UGT2B7: variants seen among roughly 807,000 people sequenced by gnomAD.
The protein encoded by UGT2B7 is UDP-glucuronosyltransferase 2B7.
A neutral mutation model predicts 51.9 loss-of-function variants in UGT2B7; 51 were observed. The observed-to-expected ratio is 0.98, with a 90% CI of 0.78 to 1.24. The LOEUF is 1.24. Ranked by LOEUF, UGT2B7 falls within the 50% of genes most tolerant of loss-of-function variation. UGT2B7 has a pLI of 0.00. For missense variants in UGT2B7, 727 were observed against 628.4 expected (o/e 1.16, Z -1.68); for synonymous variants, 225 against 211.6 (o/e 1.06, Z -0.55).
chr4:69,063,328 A>AAAAAG (rs1222222903), intron 1 of UGT2B7, among the ~76,000 whole-genome samples: 1 of 150,260 alleles, frequency 6.7e-6, no homozygotes, highest in Non-Finnish European at 1.5e-5. Context: ...CAAAAAAAAA[A>AAAAAG]AAAAAAAAAA....
intron 5 of UGT2B7, among the ~76,000 whole-genome samples, chr4:69,110,850 T>G (rs1182785083): frequency 6.6e-6 from 1 of 152,214 alleles, no homozygotes; most frequent in African/African-American, 2.4e-5. Flanking sequence ...CTTACATTTT[T>G]GAACTATTCA....
At chr4:69,061,437 A>G (rs993438755) in intron 1 of UGT2B7, among the ~76,000 whole-genome samples, 2 of 152,176 alleles carry the variant, frequency 1.3e-5, no homozygotes, top group African/African-American at 4.8e-5. Context: ...CTGCAATGGC[A>G]ACTCCACCTT....
chr4:69,051,930 G>C (rs1718027303), intron 1 of UGT2B7, among the ~76,000 whole-genome samples: 1 of 152,180 alleles, frequency 6.6e-6, no homozygotes. Context: ...GTGTGTGTGT[G>C]CCCTTTTACC....
chr4:69,112,730 T>A lies in UGT2B7; in HGVS notation c.1584T>A (p.Asn528Lys), dbSNP rs1455809019. The A allele has an allele frequency of 5.6e-6, 9 of 1,613,308 alleles. No homozygotes were observed. The African/African-American group carries it at 1.2e-4, about 22-fold the overall frequency. The stretch of plus-strand genomic sequence containing the variant: ...CTAGAAAAGCAAAGAAGGGAAAAAA[T>A]GATTAGTTATATCTGAGATTTGAAG... ...KFARKAKKGK[N>K]D The change falls in exon 6 of 6, where the codon AAT becomes AAA. Residue 528 changes from asparagine to lysine, a missense_variant. Asn to Lys is a moderately conservative substitution (Grantham distance 94). Transcript: ENST00000305231.
At chr4:69,078,343 C>G (rs577655186) in intron 1 of UGT2B7, among the ~76,000 whole-genome samples, 1 of 152,132 alleles carries the variant, frequency 6.6e-6, no homozygotes, top group South Asian at 2.1e-4. Flanking sequence ...CCCTCTTTTT[C>G]TATGTTTGGA....
chr4:69,072,329 A>G (rs1393462934), intron 1 of UGT2B7, among the ~76,000 whole-genome samples: 3 of 152,172 alleles, frequency 2.0e-5, no homozygotes, highest in African/African-American at 7.2e-5. Context: ...CATCCTCATG[A>G]AAATCTTTTT....
chr4:69,063,325 A>AAAAAG (rs1718399408), intron 1 of UGT2B7, among the ~76,000 whole-genome samples: 3 of 126,514 alleles, frequency 2.4e-5, no homozygotes, highest in Middle Eastern at 3.9e-3. Flanking sequence ...TCTCAAAAAA[A>AAAAAG]AAAAAAAAAA....
intron 2 of UGT2B7, among the ~76,000 whole-genome samples, chr4:69,100,885 T>C (rs1719396636): frequency 6.6e-6 from 1 of 152,122 alleles, no homozygotes. Context: ...AAAAGACACT[T>C]GACAAAATGT....
chr4:69,110,995 T>C (rs1196732378), intron 5 of UGT2B7, among the ~76,000 whole-genome samples: 1 of 152,086 alleles, frequency 6.6e-6, no homozygotes, highest in Admixed American at 6.5e-5. Context: ...AGTGGTTCCA[T>C]CATAATGTGG....
chr4:69,054,257 G>A (rs1718123354), intron 1 of UGT2B7, among the ~76,000 whole-genome samples: 1 of 152,058 alleles, frequency 6.6e-6, no homozygotes, highest in African/African-American at 2.4e-5. Flanking sequence ...AACTCAGACT[G>A]TGGGGCACTG....
At chr4:69,062,558 G>A (rs144835970) in intron 1 of UGT2B7, among the ~76,000 whole-genome samples, 53 of 152,166 alleles carry the variant, frequency 3.5e-4, no homozygotes, top group African/African-American at 1.1e-3. Context: ...TGCAGGTATC[G>A]TGCCTTGGAT....
chr4:69,060,465 T>C (rs1232972327), intron 1 of UGT2B7, among the ~76,000 whole-genome samples: 2 of 152,220 alleles, frequency 1.3e-5, no homozygotes, highest in African/African-American at 2.4e-5. Context: ...TCTGGGAGGC[T>C]GACCAGGAGA....
intron 1 of UGT2B7, among the ~76,000 whole-genome samples, chr4:69,059,283 C>T (rs1000395448): frequency 6.6e-6 from 1 of 152,186 alleles, no homozygotes; most frequent in Non-Finnish European, 1.5e-5. Flanking sequence ...ACTGGAGTCT[C>T]TGAAAAGAGG....
chr4:69,083,934 G>A (rs1046535525), intron 1 of UGT2B7, among the ~76,000 whole-genome samples: 5 of 152,016 alleles, frequency 3.3e-5, no homozygotes, highest in Non-Finnish European at 7.4e-5. Context: ...AGTGGTCAAC[G>A]TGGACATCTT....
chr4:69,103,117 A>T (rs76901365), intron 3 of UGT2B7, among the ~76,000 whole-genome samples, 179 bp downstream of exon 3: 31 of 143,844 alleles, frequency 2.2e-4, no homozygotes, highest in Non-Finnish European at 2.3e-4. Flanking sequence ...ATTTTTTTTT[A>T]AATGGTGTTA....
At chr4:69,064,903 T>C (rs1718454814) in intron 1 of UGT2B7, among the ~76,000 whole-genome samples, 1 of 152,072 alleles carries the variant, frequency 6.6e-6, no homozygotes, top group Non-Finnish European at 1.5e-5. Context: ...TAGAAAAAAA[T>C]ACATAATTAG....
At chr4:69,060,528 G>A (rs939427756) in intron 1 of UGT2B7, among the ~76,000 whole-genome samples, 1 of 152,222 alleles carries the variant, frequency 6.6e-6, no homozygotes. Context: ...CTTTAGGACT[G>A]CCAGATCTAA....
chr4:69,110,652 T>C (rs1719745735), intron 5 of UGT2B7, among the ~76,000 whole-genome samples: 1 of 152,112 alleles, frequency 6.6e-6, no homozygotes, highest in East Asian at 1.9e-4. Flanking sequence ...ATTATATAAT[T>C]CAATTACATA....
chr4:69,081,861 G>T (rs1718845576), intron 1 of UGT2B7, among the ~76,000 whole-genome samples: 1 of 151,962 alleles, frequency 6.6e-6, no homozygotes, highest in Non-Finnish European at 1.5e-5. Context: ...GTTTTATTAT[G>T]GTTTACACAT....
Sources: gnomAD v4.1 joint callset for allele counts (sites outside exome capture counted in the v4.1 genomes callset) on GRCh38, gnomAD v4.1.1 for gene constraint, MANE v1.5 for transcripts, NCBI Gene and HGNC (gene_info 2026-07-23, HGNC 2026-07-21) for gene names.